Variants in SYK observed in about 807,000 individuals in gnomAD.
The protein encoded by SYK is spleen associated tyrosine kinase.
A neutral mutation model predicts 77.8 loss-of-function variants in SYK; 16 were observed. The observed-to-expected ratio is 0.21, with a 90% CI of 0.14 to 0.31. The LOEUF (loss-of-function observed/expected upper bound fraction) is 0.31. Ranked by LOEUF, SYK falls within the 10% of genes least tolerant of loss-of-function variation. The probability of loss-of-function intolerance (pLI) is 1.00; values close to 1 mark genes in which losing one functional copy is unlikely to be tolerated. For synonymous variants in SYK, 312 were observed against 308.7 expected (o/e 1.01, Z -0.11); for missense variants, 529 against 814.4 (o/e 0.65, Z 4.26).
At chr9:90,872,381 C>T (rs934984012) in intron 7 of SYK, among the ~76,000 whole-genome samples, 2 of 152,166 alleles carry the variant, frequency 1.3e-5, no homozygotes, top group Admixed American at 1.3e-4. Context: ...CAGAATGTGC[C>T]TGCCTGCAGG....
intron 3 of SYK, among the ~76,000 whole-genome samples, chr9:90,850,589 A>C (rs1826784255): frequency 6.6e-6 from 1 of 152,042 alleles, no homozygotes; most frequent in Non-Finnish European, 1.5e-5. Flanking sequence ...TGCAAGCCAT[A>C]AACTAATCAA....
At chr9:90,880,226 G>A (rs1480894883) in intron 11 of SYK, among the ~76,000 whole-genome samples, 1 of 152,220 alleles carries the variant, frequency 6.6e-6, no homozygotes, top group African/African-American at 2.4e-5. Context: ...GGACTGGTAG[G>A]TGATGGGGAA....
rs1158688105 is a variant in SYK, at chr9:90,862,270, CACT to C, written c.645_647del (p.Tyr216del). On this transcript the variant is annotated inframe_deletion, in exon 4 of 14. Transcript: ENST00000375754. ...CCTGCTGCACGAAGGGAAGGTGCTGCACTATCGCATCGACAAAGACAAGACAGG... is the reference window on the plus strand; with the variant it reads ...CCTGCTGCACGAAGGGAAGGTGCTGCATCGCATCGACAAAGACAAGACAGG... 1.2e-6 allele frequency: 2 copies of C among 1,614,174 alleles called. No homozygotes were observed. The highest frequency in any genetic ancestry group is 1.3e-5 in the African/African-American group (1 of 75,058).
At chr9:90,844,775 T>C (rs1406918645) in intron 2 of SYK, among the ~76,000 whole-genome samples, 2 of 152,350 alleles carry the variant, frequency 1.3e-5, no homozygotes, top group Non-Finnish European at 2.9e-5. Flanking sequence ...CCACAATTTA[T>C]TTAACTAGTA....
intron 1 of SYK, among the ~76,000 whole-genome samples, chr9:90,825,472 T>C (rs1184483975): frequency 6.6e-6 from 1 of 152,204 alleles, no homozygotes; most frequent in Non-Finnish European, 1.5e-5. Flanking sequence ...TTTCAAGTCT[T>C]ACTAGAAACA....
intron 3 of SYK, among the ~76,000 whole-genome samples, chr9:90,857,407 A>T (rs1827080456): frequency 6.6e-6 from 1 of 152,256 alleles, no homozygotes; most frequent in Admixed American, 6.5e-5. Context: ...GCTGAAAGAC[A>T]AGATGCGTTA....
Position 90,849,645 on chromosome 9 carries a change from G to A in SYK, c.578+4051G>A, listed in dbSNP as rs575439771. On this transcript the variant is annotated intron_variant, in intron 3 of 13. Coordinates refer to ENST00000375754, the MANE Select transcript of SYK (RefSeq NM_003177.7). ...TAGAAATATAAAAACATGACACTGC[G>A]CACTCTATGGTTTGTAAGATTCACT... 2.5e-4 allele frequency among the ~76,000 whole-genome samples: 38 copies of A among 152,290 alleles called. No individual in the cohort carries two copies. In the South Asian group the frequency reaches 6.2e-3, roughly 25 times the overall value.
At chr9:90,838,450 A>G (rs764388803) in intron 1 of SYK, among the ~76,000 whole-genome samples, 1 of 152,236 alleles carries the variant, frequency 6.6e-6, no homozygotes, top group Non-Finnish European at 1.5e-5. Context: ...AGATTATTTC[A>G]TGTCAAAAAA....
intron 3 of SYK, among the ~76,000 whole-genome samples, chr9:90,861,815 C>T (rs1260931023): frequency 6.6e-6 from 1 of 152,188 alleles, no homozygotes; most frequent in Non-Finnish European, 1.5e-5. Flanking sequence ...AAGGTGAGTC[C>T]ACAGTGCTCC....
intron 3 of SYK, among the ~76,000 whole-genome samples, chr9:90,856,716 T>A (rs972625227): frequency 2.0e-5 from 3 of 152,250 alleles, no homozygotes; most frequent in Non-Finnish European, 2.9e-5. Flanking sequence ...TTATATTCTA[T>A]ATCTGATTAT....
intron 7 of SYK, among the ~76,000 whole-genome samples, chr9:90,868,985 A>G (rs1166587857): frequency 6.6e-6 from 1 of 152,218 alleles, no homozygotes; most frequent in Admixed American, 6.5e-5. Flanking sequence ...TTTTCAAAAT[A>G]TAATTTTAAG....
At chr9:90,858,489 G>A (rs1827125997) in intron 3 of SYK, among the ~76,000 whole-genome samples, 1 of 152,238 alleles carries the variant, frequency 6.6e-6, no homozygotes, top group Non-Finnish European at 1.5e-5. Context: ...GACCCTGAAG[G>A]CGGAAGGCAG....
In SYK at chr9:90,845,573, C is replaced by T. The variant is rs1399793724; in HGVS notation, c.557C>T (p.Ser186Leu). 6.2e-7 allele frequency: 1 copy of T among 1,614,072 alleles called. No individual in the cohort carries two copies. The highest frequency in any genetic ancestry group is 1.1e-5 in the South Asian group (1 of 91,060). ...EESEQIVLIG[S>L]KTNGKFLIRA... ...TCTGAGCAAATTGTCCTGATAGGAT[C>T]AAAGACAAATGGAAAGTTCCTGTGA... is the stretch of plus-strand genomic sequence containing the variant. Residue 186 changes from serine (S) to leucine (L), a missense_variant, in exon 3 of 14, where the codon TCA becomes TTA. Coordinates refer to ENST00000375754, the MANE Select transcript of SYK (RefSeq NM_003177.7).
At chr9:90,884,159 ATACACACATACACATACGTG>A (rs1234667765) in intron 11 of SYK, among the ~76,000 whole-genome samples, 4 of 112,204 alleles carry the variant, frequency 3.6e-5, no homozygotes, top group East Asian at 2.6e-4. Flanking sequence ...GTGTGTATAT[ATACACACATACACATACGTG>A]TATATATACA....
intron 1 of SYK, among the ~76,000 whole-genome samples, chr9:90,817,866 TGTGTGTGTGTGTGTGTGAGAGAGA>T (rs1290636014): frequency 2.1e-5 from 3 of 141,674 alleles, no homozygotes; most frequent in Non-Finnish European, 3.0e-5. Context: ...TGTGTGTGTG[TGTGTGTGTGTGTGTGTGAGAGAGA>T]GAGAGAGAGA....
chr9:90,866,745 T>G (rs1027215798), intron 6 of SYK, among the ~76,000 whole-genome samples: 1 of 152,226 alleles, frequency 6.6e-6, no homozygotes, highest in Non-Finnish European at 1.5e-5. Context: ...CACAAAATTT[T>G]CCACCGTGGA....
chr9:90,856,480 G>A (rs550415124), intron 3 of SYK, among the ~76,000 whole-genome samples: 21 of 151,944 alleles, frequency 1.4e-4, no homozygotes, highest in Admixed American at 5.2e-4. Context: ...GAGTAACGTC[G>A]TTGAATTATT....
intron 3 of SYK, among the ~76,000 whole-genome samples, chr9:90,845,842 T>C (rs1826573281): frequency 6.6e-6 from 1 of 152,212 alleles, no homozygotes; most frequent in Admixed American, 6.5e-5. Flanking sequence ...GGATGTAATA[T>C]TTAAAGAAAA....
rs952316807 is a variant in SYK at position 90,810,163 on chromosome 9, C to T, written c.-42+8270C>T. ...TCATAACAAAGCACCACATACTGAA[C>T]GGCTTGAACAGCCCAATGTGTCGCC... On this transcript the variant is annotated intron_variant, in intron 1 of 13. Transcript: ENST00000375754. Among the ~76,000 whole-genome samples, 7 of 152,142 alleles carry T rather than the reference C, an allele frequency of 4.6e-5. No individual in the cohort carries two copies. In the East Asian group the frequency reaches 1.2e-3, roughly 25 times the overall value.
Sources: allele counts gnomAD v4.1 joint callset (sites outside exome capture counted in the v4.1 genomes callset), GRCh38; gene constraint gnomAD v4.1.1; transcripts MANE v1.5; gene names NCBI Gene and HGNC (gene_info 2026-07-23, HGNC 2026-07-21).